KCNH8: variants seen among roughly 807,000 people sequenced by gnomAD.
KCNH8 encodes the protein voltage-gated delayed rectifier potassium channel KCNH8.
In KCNH8, 70 loss-of-function variants were observed where a neutral mutation model predicts 103.6. The observed-to-expected ratio is 0.68, with a 90% CI of 0.56 to 0.82. The LOEUF is 0.82. KCNH8 is among the 40% of genes least tolerant of loss of function. The pLI is 0.00. For synonymous variants in KCNH8, 498 were observed against 489.4 expected (o/e 1.02, Z -0.23); for missense variants, 1,217 against 1,329.9 (o/e 0.92, Z 1.32).
chr3:19,427,437 A>C (rs1300700934), intron 7 of KCNH8, among the ~76,000 whole-genome samples: 1 of 152,248 alleles, frequency 6.6e-6, no homozygotes, highest in Non-Finnish European at 1.5e-5. Flanking sequence ...GTATGGTTAA[A>C]ATGTGATTTG....
chr3:19,286,335 G>A (rs138230632), intron 3 of KCNH8, among the ~76,000 whole-genome samples: 65 of 152,306 alleles, frequency 4.3e-4, no homozygotes, highest in African/African-American at 1.5e-3. Context: ...CCCTAATCCA[G>A]TCTGACTCTT....
chr3:19,283,414 A>G (rs1365755739), intron 3 of KCNH8, among the ~76,000 whole-genome samples: 3 of 152,120 alleles, frequency 2.0e-5, no homozygotes, highest in African/African-American at 7.2e-5. Flanking sequence ...TCAACAAAAC[A>G]CTTTTAACAT....
Position 19,500,521 on chromosome 3 carries a change from G to A in KCNH8, c.2041-9842G>A, listed in dbSNP as rs529337967. Among the ~76,000 whole-genome samples, 91 of 152,096 alleles carry A rather than the reference G, an allele frequency of 6.0e-4. 1 individual carries two copies. Among genetic ancestry groups the A allele is most frequent in the Admixed American group, 1.0e-3 (16 of 15,268 alleles). On this transcript the variant is annotated intron_variant, in intron 11 of 15. Transcript: ENST00000328405. ...CCACACCTATTCCAAAATTGACCAC[G>A]TACTTGGAAGTAAAGCTTTCCTCAG...
intron 1 of KCNH8, among the ~76,000 whole-genome samples, chr3:19,207,709 C>G (rs1352744733): frequency 6.6e-6 from 1 of 151,790 alleles, no homozygotes; most frequent in East Asian, 1.9e-4. Flanking sequence ...CTGAATTAAG[C>G]CAGTGACAAA....
At position 19,450,144 on chromosome 3, in the gene KCNH8, ATCAT is replaced by A; in HGVS notation, c.1415_1418del (p.Ile472AsnfsTer18). 6.2e-7 allele frequency: 1 copy of A among 1,613,698 alleles called. No individual in the cohort carries two copies. The highest frequency in any genetic ancestry group is 1.1e-5 in the South Asian group (1 of 91,072). On this transcript the variant is annotated frameshift_variant, in exon 9 of 16. Coordinates refer to ENST00000328405, the MANE Select transcript of KCNH8 (RefSeq NM_144633.3). LOFTEE classifies it high-confidence loss of function. ...CTTGGTGTTTGGAAACGTGACAGCA[ATCAT>A]ACAGAGGATGTACTCCAGATGGTCC...
Position 19,451,504 on chromosome 3 carries a change from C to T in KCNH8, c.1825+100C>T, listed in dbSNP as rs547584676. 3.9e-6 allele frequency: 4 copies of T among 1,023,902 alleles called. No individual in the cohort carries two copies. The East Asian group carries it at 9.6e-5, about 25-fold the overall frequency. 63.4% of individuals were successfully genotyped at this position (1,023,902 alleles called of 1,614,324 possible). A position where few individuals can be genotyped will look rare whatever the true frequency, so the allele number is the denominator to read the frequency against. Reference sequence around the variant, plus strand: ...ACTGCTATTGAGAGTAGGAAAAGAACAGATGAAGACATGAACTCAGGAGTA... The same window carrying T: ...ACTGCTATTGAGAGTAGGAAAAGAATAGATGAAGACATGAACTCAGGAGTA... On this transcript the variant is annotated intron_variant, in intron 10 of 15. Coordinates refer to ENST00000328405, the MANE Select transcript of KCNH8 (RefSeq NM_144633.3).
At chr3:19,181,042 T>A (rs2063448096) in intron 1 of KCNH8, among the ~76,000 whole-genome samples, 1 of 152,156 alleles carries the variant, frequency 6.6e-6, no homozygotes, top group Non-Finnish European at 1.5e-5. Context: ...ATAAACTGTT[T>A]TAGAGAGGAT....
intron 1 of KCNH8, among the ~76,000 whole-genome samples, chr3:19,236,439 C>A (rs116110194): frequency 0.013 from 2,002 of 152,256 alleles, 33 homozygotes; most frequent in Non-Finnish European, 0.014. Flanking sequence ...ATGAAGGACT[C>A]CAGTGTCTTT....
At chr3:19,496,107 T>C (rs969901327) in intron 11 of KCNH8, among the ~76,000 whole-genome samples, 3 of 152,306 alleles carry the variant, frequency 2.0e-5, no homozygotes, top group Middle Eastern at 3.4e-3. Context: ...GCAGAGACTA[T>C]GGGGTTTTCT....
At chr3:19,415,615 C>A (rs1867001) in intron 7 of KCNH8, among the ~76,000 whole-genome samples, 111,502 of 151,774 alleles carry the variant, frequency 0.73, 42,139 homozygotes, top group African/African-American at 0.93. Context: ...TATATATGCA[C>A]GAATTCCTCC....
chr3:19,481,055 C>T (rs2068076771), intron 11 of KCNH8, among the ~76,000 whole-genome samples: 1 of 152,156 alleles, frequency 6.6e-6, no homozygotes, highest in African/African-American at 2.4e-5. Context: ...CAAGACAAAT[C>T]TTTCTTTCCC....
chr3:19,501,769 C>T (rs1446691139), intron 11 of KCNH8, among the ~76,000 whole-genome samples: 6 of 151,988 alleles, frequency 3.9e-5, no homozygotes, highest in East Asian at 1.9e-4. Context: ...ATTGATGTGA[C>T]GTATCTCAAA....
intron 1 of KCNH8, among the ~76,000 whole-genome samples, chr3:19,156,984 A>ATTT (rs1559400819): frequency 3.4e-4 from 46 of 137,098 alleles, no homozygotes; most frequent in African/African-American, 1.5e-3. Context: ...TTTTTTTTTA[A>ATTT]AAAAAAGGTT....
intron 3 of KCNH8, among the ~76,000 whole-genome samples, chr3:19,292,037 A>C (rs926733174): frequency 1.3e-5 from 2 of 152,212 alleles, no homozygotes; most frequent in Admixed American, 1.3e-4. Flanking sequence ...TCAATTTTCC[A>C]AACATTTTTC....
At chr3:19,286,180 C>T (rs1454658730) in intron 3 of KCNH8, among the ~76,000 whole-genome samples, 2 of 152,062 alleles carry the variant, frequency 1.3e-5, no homozygotes, top group Non-Finnish European at 2.9e-5. Flanking sequence ...CTTTTGGGAC[C>T]CTCTTTCTGG....
chr3:19,488,312 G>A (rs1460836032), intron 11 of KCNH8, among the ~76,000 whole-genome samples: 1 of 152,208 alleles, frequency 6.6e-6, no homozygotes, highest in Admixed American at 6.5e-5. Flanking sequence ...AATGGCCGCG[G>A]CCAGTAAGTT....
At chr3:19,303,094 T>TACAA (rs1034319102) in intron 3 of KCNH8, among the ~76,000 whole-genome samples, 37 of 152,168 alleles carry the variant, frequency 2.4e-4, no homozygotes, top group Non-Finnish European at 5.0e-4. Context: ...TTTCAAGATA[T>TACAA]ACAACCCCCT....
At chr3:19,291,996 T>C (rs535829633) in intron 3 of KCNH8, among the ~76,000 whole-genome samples, 3 of 152,234 alleles carry the variant, frequency 2.0e-5, no homozygotes, top group African/African-American at 7.2e-5. Context: ...CTTTTAAAAG[T>C]TCCTTTCCTC....
chr3:19,162,883 T>A (rs536492123), intron 1 of KCNH8, among the ~76,000 whole-genome samples: 2 of 152,286 alleles, frequency 1.3e-5, no homozygotes, highest in African/African-American at 4.8e-5. Context: ...TTCAGAATAT[T>A]CGTAGCATAT....
Sources: gnomAD v4.1 joint callset for allele counts (sites outside exome capture counted in the v4.1 genomes callset) on GRCh38, gnomAD v4.1.1 for gene constraint, MANE v1.5 for transcripts, NCBI Gene and HGNC (gene_info 2026-07-23, HGNC 2026-07-21) for gene names.